The following TMPRSS15 variants were observed in gnomAD, a reference collection of about 807,000 sequenced individuals.
TMPRSS15 encodes the protein transmembrane serine protease 15.
Under a neutral mutation model 125.3 loss-of-function variants are expected in TMPRSS15, and 128 were observed. That is an observed-to-expected ratio of 1.02 (90% CI 0.89 to 1.18). TMPRSS15 has a LOEUF of 1.18. TMPRSS15 is among the 50% of genes most tolerant of loss of function. TMPRSS15 has a pLI of 0.00. For missense variants in TMPRSS15, 1,283 were observed against 1,212.7 expected (o/e 1.06, Z -0.86); for synonymous variants, 446 against 423.2 (o/e 1.05, Z -0.66).
intron 17 of TMPRSS15, 152 bp downstream of exon 17, chr21:18,314,994 G>A: frequency 1.4e-6 from 1 of 698,724 alleles, no homozygotes; most frequent in Admixed American, 2.0e-5. Flanking sequence ...GATGGGGACA[G>A]AGGTGCTAAA....
chr21:18,366,026 C>T lies in TMPRSS15; in HGVS notation c.665-778G>A, dbSNP rs543712942. 2.6e-5 allele frequency among the ~76,000 whole-genome samples: 4 copies of T among 152,232 alleles called. No homozygotes were observed. The East Asian group carries it at 5.8e-4, about 22-fold the overall frequency. ...CTGGGATTACAGGCGTGAGCCACTG[C>T]GCCATGCCCAAAAGCATTGTCTTTC... On this transcript the variant is annotated intron_variant, in intron 6 of 24. Coordinates refer to ENST00000284885, the MANE Select transcript of TMPRSS15 (RefSeq NM_002772.3).
chr21:18,308,003 G>C (rs1032583367), intron 18 of TMPRSS15, among the ~76,000 whole-genome samples: 2 of 152,074 alleles, frequency 1.3e-5, no homozygotes, highest in African/African-American at 4.8e-5. Flanking sequence ...AGTCATCCGG[G>C]GCACTTGGGC....
intron 1 of TMPRSS15, among the ~76,000 whole-genome samples, chr21:18,473,668 A>G (rs1181917093): frequency 6.6e-6 from 1 of 152,128 alleles, no homozygotes; most frequent in African/African-American, 2.4e-5. Flanking sequence ...TGGACCTGAG[A>G]AGTATTTTTT....
intron 7 of TMPRSS15, among the ~76,000 whole-genome samples, chr21:18,364,803 C>A (rs985862605): frequency 6.6e-6 from 1 of 152,088 alleles, no homozygotes; most frequent in Non-Finnish European, 1.5e-5. Flanking sequence ...TAGACAAATG[C>A]AGAAGATGCG....
chr21:18,427,433 A>G (rs907023311), intron 1 of TMPRSS15, among the ~76,000 whole-genome samples: 1 of 152,174 alleles, frequency 6.6e-6, no homozygotes, highest in Non-Finnish European at 1.5e-5. Flanking sequence ...AAAATTCTTA[A>G]CTGTTTATTT....
chr21:18,335,313 A>T (rs1418644667), intron 13 of TMPRSS15, among the ~76,000 whole-genome samples: 1 of 152,196 alleles, frequency 6.6e-6, no homozygotes, highest in Non-Finnish European at 1.5e-5. Flanking sequence ...GTTTTTTACC[A>T]TTATTCTTAT....
At chr21:18,479,238 G>T (rs767242815) in intron 1 of TMPRSS15, among the ~76,000 whole-genome samples, 3 of 149,880 alleles carry the variant, frequency 2.0e-5, no homozygotes, top group Admixed American at 6.7e-5. Context: ...GTTCCTATAT[G>T]ATTGGAATCT....
intron 18 of TMPRSS15, among the ~76,000 whole-genome samples, chr21:18,302,396 C>CAT (rs2074982996): frequency 6.6e-6 from 1 of 152,144 alleles, no homozygotes; most frequent in Non-Finnish European, 1.5e-5. Context: ...AAAGTAAAGG[C>CAT]ATGTGGGCAG....
chr21:18,352,880 C>T (rs370102624), intron 10 of TMPRSS15, 23 bp downstream of exon 10: 2 of 1,609,958 alleles, frequency 1.2e-6, no homozygotes, highest in African/African-American at 1.3e-5. Context: ...ATCCTTTTGA[C>T]TTCTGAATTA....
intron 1 of TMPRSS15, among the ~76,000 whole-genome samples, chr21:18,473,950 G>A (rs1807176187): frequency 6.6e-6 from 1 of 152,036 alleles, no homozygotes; most frequent in Non-Finnish European, 1.5e-5. Flanking sequence ...GGTTTGTCCT[G>A]TCTTGGTCAG....
At chr21:18,304,051 T>C (rs2075003830) in intron 18 of TMPRSS15, among the ~76,000 whole-genome samples, 1 of 152,252 alleles carries the variant, frequency 6.6e-6, no homozygotes, top group Non-Finnish European at 1.5e-5. Flanking sequence ...TGGATATTTT[T>C]CACTCTGTTG....
chr21:18,430,378 C>T (rs1308643939), intron 1 of TMPRSS15, among the ~76,000 whole-genome samples: 1 of 152,038 alleles, frequency 6.6e-6, no homozygotes, highest in Admixed American at 6.6e-5. Flanking sequence ...TTTTATGTTG[C>T]TTGATCAAAG....
At chr21:18,345,308 A>G (rs1440766889) in intron 10 of TMPRSS15, among the ~76,000 whole-genome samples, 1 of 152,212 alleles carries the variant, frequency 6.6e-6, no homozygotes, top group Non-Finnish European at 1.5e-5. Flanking sequence ...TGTTCTAATT[A>G]TATGACTGCA....
intron 17 of TMPRSS15, 77 bp downstream of exon 17, chr21:18,315,061 CACAGTTAT>C (rs2075147074): frequency 1.8e-6 from 2 of 1,110,952 alleles, no homozygotes; most frequent in Admixed American, 3.4e-5. Context: ...TCCTAATAGA[CACAGTTAT>C]AATCTTTCTT....
intron 3 of TMPRSS15, among the ~76,000 whole-genome samples, chr21:18,396,107 T>C (rs2076032162): frequency 6.6e-6 from 1 of 152,232 alleles, no homozygotes; most frequent in South Asian, 2.1e-4. Context: ...CTTACTTAGA[T>C]GTTTTTCTCC....
chr21:18,287,237 T>C lies in TMPRSS15; in HGVS notation c.2487-6016A>G, dbSNP rs554584020. On this transcript the variant is annotated intron_variant, in intron 21 of 24. Coordinates refer to ENST00000284885, the MANE Select transcript of TMPRSS15 (RefSeq NM_002772.3). ...CAGGATAAGTGCTCAGCAAATGTCATCTGATTGAATGGATATATAAAAAAC... is the reference window on the plus strand; with the variant it reads ...CAGGATAAGTGCTCAGCAAATGTCACCTGATTGAATGGATATATAAAAAAC... Among the ~76,000 whole-genome samples, 6 of 152,236 alleles carry C rather than the reference T, an allele frequency of 3.9e-5. No homozygotes were observed. In the East Asian group the frequency reaches 1.2e-3, roughly 29 times the overall value.
chr21:18,291,233 G>A (rs1439731252), intron 21 of TMPRSS15, among the ~76,000 whole-genome samples: 2 of 152,234 alleles, frequency 1.3e-5, no homozygotes, highest in Non-Finnish European at 2.9e-5. Context: ...AATCACACAT[G>A]TGATTTGTTG....
At chr21:18,474,368 G>A (rs1196538901) in intron 1 of TMPRSS15, among the ~76,000 whole-genome samples, 1 of 151,292 alleles carries the variant, frequency 6.6e-6, no homozygotes, top group Non-Finnish European at 1.5e-5. Context: ...TTTGCTCACT[G>A]CAACCTTCGC....
At position 18,480,615 on chromosome 21, in the gene TMPRSS15, T is replaced by C. The variant is rs529251210; in HGVS notation, c.10+5184A>G. On this transcript the variant is annotated intron_variant, in intron 1 of 7. Transcript: ENST00000422787. The stretch of plus-strand genomic sequence containing the variant: ...TCTTTTGTCAGGGTGCTCAAGATGA[T>C]GCAGACTTACCTATATGCTCTCACC... 9.2e-5 allele frequency among the ~76,000 whole-genome samples: 14 copies of C among 151,944 alleles called. No homozygotes were observed. The Middle Eastern group carries it at 0.01, about 111-fold the overall frequency.
Sources: allele counts gnomAD v4.1 joint callset (sites outside exome capture counted in the v4.1 genomes callset), GRCh38; gene constraint gnomAD v4.1.1; transcripts MANE v1.5; gene names NCBI Gene and HGNC (gene_info 2026-07-23, HGNC 2026-07-21).